Variants in CSMD1 observed in about 807,000 individuals in gnomAD.
The protein encoded by CSMD1 is CUB and Sushi multiple domains 1.
A neutral mutation model predicts 417.5 loss-of-function variants in CSMD1; 213 were observed. That is an observed-to-expected ratio of 0.51 (90% CI 0.46 to 0.57). The LOEUF (loss-of-function observed/expected upper bound fraction) is 0.57, where lower values mean the gene tolerates loss of function less well. Ranked by LOEUF, CSMD1 falls within the 20% of genes least tolerant of loss-of-function variation. The pLI is 0.00. For synonymous variants in CSMD1, 2,862 were observed against 1,736.8 expected (o/e 1.65, Z -16.11); for missense variants, 6,923 against 4,529.7 (o/e 1.53, Z -15.17).
intron 5 of CSMD1, among the ~76,000 whole-genome samples, chr8:3,884,441 A>G (rs1806416854): frequency 6.6e-6 from 1 of 152,212 alleles, no homozygotes; most frequent in South Asian, 2.1e-4. Flanking sequence ...AAGACACCAG[A>G]GAACAAAAAT....
chr8:3,480,170 G>A (rs1023978620), intron 11 of CSMD1, among the ~76,000 whole-genome samples: 6 of 151,872 alleles, frequency 4.0e-5, no homozygotes, highest in Admixed American at 6.6e-5. Flanking sequence ...ACCAGCCTGG[G>A]CAACACGGTG....
chr8:4,261,248 C>A (rs1026900113), intron 3 of CSMD1, among the ~76,000 whole-genome samples: 5 of 152,078 alleles, frequency 3.3e-5, no homozygotes, highest in Non-Finnish European at 5.9e-5. Context: ...GTAGTAGACT[C>A]AAAAAGAACG....
chr8:3,358,479 T>C (rs1290250655), intron 21 of CSMD1, among the ~76,000 whole-genome samples: 1 of 152,188 alleles, frequency 6.6e-6, no homozygotes, highest in African/African-American at 2.4e-5. Context: ...TTGCTAAACT[T>C]CTTAGAGTGG....
intron 1 of CSMD1, among the ~76,000 whole-genome samples, chr8:4,910,254 G>A (rs372993745): frequency 3.9e-5 from 6 of 152,018 alleles, no homozygotes; most frequent in African/African-American, 1.5e-4. Flanking sequence ...CACTTCCATT[G>A]TATTATCTCA....
chr8:4,757,030 A>T (rs569876282), intron 1 of CSMD1, among the ~76,000 whole-genome samples: 1 of 152,370 alleles, frequency 6.6e-6, no homozygotes, highest in African/African-American at 2.4e-5. Context: ...GTTCTTATAC[A>T]ATATGCAGGA....
At chr8:3,306,002 G>A (rs1804808671) in intron 25 of CSMD1, among the ~76,000 whole-genome samples, 1 of 151,972 alleles carries the variant, frequency 6.6e-6, no homozygotes, top group Non-Finnish European at 1.5e-5. Context: ...ATATTCTATT[G>A]TAGCAGCAGA....
At chr8:4,600,333 T>C (rs1030897762) in intron 2 of CSMD1, among the ~76,000 whole-genome samples, 4 of 152,194 alleles carry the variant, frequency 2.6e-5, no homozygotes, top group East Asian at 3.9e-4. Flanking sequence ...AATGGAAAGT[T>C]AGTCATAGCT....
intron 1 of CSMD1, among the ~76,000 whole-genome samples, chr8:4,668,000 C>G (rs763850972): frequency 1.9e-4 from 29 of 152,186 alleles, no homozygotes; most frequent in Non-Finnish European, 3.4e-4. Context: ...TTTTCGACTC[C>G]ATTTTTTAAG....
chr8:3,982,160 AAATAATAAT>A (rs534030179), intron 5 of CSMD1, among the ~76,000 whole-genome samples: 43 of 89,516 alleles, frequency 4.8e-4, no homozygotes, highest in African/African-American at 1.6e-3. Context: ...TCTATCTCAA[AAATAATAAT>A]AATAATAATA....
At chr8:4,188,391 G>T (rs1048566602) in intron 3 of CSMD1, among the ~76,000 whole-genome samples, 1 of 152,092 alleles carries the variant, frequency 6.6e-6, no homozygotes, top group African/African-American at 2.4e-5. Context: ...AACAACACAG[G>T]AAACATTCGT....
chr8:4,312,640 G>A (rs569051940), intron 3 of CSMD1, among the ~76,000 whole-genome samples: 9 of 151,632 alleles, frequency 5.9e-5, no homozygotes, highest in Non-Finnish European at 1.3e-4. Context: ...ACTTTGGGAG[G>A]CCGAGGTGAG....
Position 4,266,091 on chromosome 8 carries a change from G to A in CSMD1, c.415+153862C>T, listed in dbSNP as rs1390416465. Among the ~76,000 whole-genome samples, 2 of 102,708 alleles carry A rather than the reference G, an allele frequency of 1.9e-5. 1 individual carries two copies. The highest frequency in any genetic ancestry group is 5.2e-4 in the East Asian group (2 of 3,812). The allele number at this position is 102,708 out of a possible 152,430, so 67.4% of individuals were successfully genotyped here. ...TGCCCACCGCACATAGACTCACCAG[G>A]CATATTAGCTGATATTGATCATTTG... On this transcript the variant is annotated intron_variant, in intron 3 of 69. Transcript: ENST00000635120.
intron 5 of CSMD1, among the ~76,000 whole-genome samples, chr8:3,823,179 A>T (rs929309617): frequency 6.6e-6 from 1 of 152,156 alleles, no homozygotes; most frequent in Non-Finnish European, 1.5e-5. Context: ...TCTTTACCAC[A>T]TCAGAGAACT....
At chr8:4,818,077 G>A (rs1799308686) in intron 1 of CSMD1, among the ~76,000 whole-genome samples, 1 of 152,150 alleles carries the variant, frequency 6.6e-6, no homozygotes, top group Non-Finnish European at 1.5e-5. Context: ...CAACTCAGGA[G>A]GATGCATTGA....
intron 2 of CSMD1, among the ~76,000 whole-genome samples, chr8:4,465,781 G>T (rs980083740): frequency 1.3e-5 from 2 of 152,168 alleles, no homozygotes; most frequent in African/African-American, 4.8e-5. Context: ...CTCTGAGAAT[G>T]GGGGTGGTTA....
At chr8:3,679,224 C>G (rs535992466) in intron 7 of CSMD1, among the ~76,000 whole-genome samples, 1 of 152,178 alleles carries the variant, frequency 6.6e-6, no homozygotes, top group African/African-American at 2.4e-5. Flanking sequence ...GCTCCAATTA[C>G]AAGACGCAGA....
rs904577949 is a variant in CSMD1, at chr8:4,500,957, C to G, written c.303-80892G>C. ...TGAGAACGAGTACCCTTGTTTTTGA[C>G]CCTTTGATTTGTATGCACCAAGAGG... is the stretch of plus-strand genomic sequence containing the variant. On this transcript the variant is annotated intron_variant, in intron 2 of 69. Coordinates refer to ENST00000635120, the MANE Select transcript of CSMD1 (RefSeq NM_033225.6). Among the ~76,000 whole-genome samples the G allele has an allele frequency of 6.6e-5, 10 of 152,062 alleles. No homozygotes were observed. The South Asian group carries it at 2.1e-3, about 32-fold the overall frequency.
At chr8:4,458,436 T>C (rs1799617455) in intron 2 of CSMD1, among the ~76,000 whole-genome samples, 1 of 152,202 alleles carries the variant, frequency 6.6e-6, no homozygotes, top group South Asian at 2.1e-4. Flanking sequence ...AGTTGGTTTC[T>C]AAAACAGTCT....
chr8:3,844,380 C>T (rs1563137903), intron 5 of CSMD1, among the ~76,000 whole-genome samples: 1 of 152,146 alleles, frequency 6.6e-6, no homozygotes. Context: ...GACACACATA[C>T]ACCTCACTCA....
Sources: allele counts gnomAD v4.1 joint callset (sites outside exome capture counted in the v4.1 genomes callset), GRCh38; gene constraint gnomAD v4.1.1; transcripts MANE v1.5; gene names NCBI Gene and HGNC (gene_info 2026-07-23, HGNC 2026-07-21).